ERCC8: variants seen among roughly 807,000 people sequenced by gnomAD.
ERCC8 encodes the protein ERCC excision repair 8, CSA ubiquitin ligase complex subunit, also known as DNA excision repair protein ERCC-8.
A neutral mutation model predicts 54.9 loss-of-function variants in ERCC8; 52 were observed. The ratio of observed to expected loss-of-function variants is 0.95; its 90% CI spans 0.76 to 1.19. The LOEUF (loss-of-function observed/expected upper bound fraction) is 1.19. ERCC8 is among the 50% of genes most tolerant of loss of function. ERCC8 has a pLI of 0.00. For synonymous variants in ERCC8, 146 were observed against 157.2 expected, an observed-to-expected ratio of 0.93 and a Z score of 0.53; for missense variants, 514 against 466.1, an observed-to-expected ratio of 1.10 and a Z score of -0.95.
intron 11 of ERCC8, among the ~76,000 whole-genome samples, chr5:60,881,324 GGC>G (rs1046941839): frequency 6.6e-6 from 1 of 152,182 alleles, no homozygotes; most frequent in African/African-American, 2.4e-5. Context: ...CACTTGAGGA[GGC>G]AGTCTGTCTG....
intron 4 of ERCC8, among the ~76,000 whole-genome samples, chr5:60,915,740 G>A (rs544452437): frequency 1.4e-4 from 21 of 151,938 alleles, no homozygotes; most frequent in South Asian, 6.2e-4. Context: ...AATTTACCCC[G>A]TCTCCTTCTG....
intron 1 of ERCC8, among the ~76,000 whole-genome samples, chr5:60,943,007 G>A (rs1462157037): frequency 1.3e-5 from 2 of 151,996 alleles, no homozygotes; most frequent in South Asian, 4.1e-4. Flanking sequence ...GTGGTAGCTC[G>A]CACATATAAT....
At chr5:60,929,649 T>A (rs973645272) in intron 1 of ERCC8, among the ~76,000 whole-genome samples, 3 of 152,146 alleles carry the variant, frequency 2.0e-5, no homozygotes, top group South Asian at 4.1e-4. Context: ...CACTTAAATA[T>A]CAATACAAAT....
rs1272607123 is a variant in ERCC8, at chr5:60,869,154, G to C, written c.*5461C>G. Among the ~76,000 whole-genome samples the C allele has an allele frequency of 6.6e-6, 1 of 152,110 alleles. No individual in the cohort carries two copies. The highest frequency in any genetic ancestry group is 1.5e-5 in the Non-Finnish European group (1 of 67,996). ...TATAGAATTCACAGAAACGTCTTTA[G>C]CTTCTCTAGTCTTCAGTAGTTATAT... On this transcript the variant is annotated 3_prime_UTR_variant, in exon 12 of 12. Transcript: ENST00000676185.
chr5:60,885,200 G>A (rs1748361164), intron 11 of ERCC8, among the ~76,000 whole-genome samples: 1 of 151,966 alleles, frequency 6.6e-6, no homozygotes, highest in Non-Finnish European at 1.5e-5. Flanking sequence ...TTTTTGTAGA[G>A]ATGGGGTCTT....
chr5:60,868,062 C>T lies in ERCC8; in HGVS notation c.*6553G>A, dbSNP rs1309293002. On this transcript the variant is annotated 3_prime_UTR_variant, in exon 12 of 12. Coordinates refer to ENST00000676185, the MANE Select transcript of ERCC8 (RefSeq NM_000082.4). ...AGGCATGGTGGCGCATGCCTGTAAT[C>T]CCAGCTACTTGGGAGGCTGAGGCAG... Among the ~76,000 whole-genome samples the T allele has an allele frequency of 1.3e-5, 2 of 152,134 alleles. No homozygotes were observed. Among genetic ancestry groups the T allele is most frequent in the Non-Finnish European group, 2.9e-5 (2 of 68,020 alleles).
In ERCC8 at chr5:60,868,166, C is replaced by T. The variant is rs1054219276; in HGVS notation, c.*6449G>A. On this transcript the variant is annotated 3_prime_UTR_variant, in exon 12 of 12. Transcript: ENST00000676185. ...TTGCCCTCCAGCCTGGGCAACAAGA[C>T]GAAACTAGTTCTGTAAAACTTATGC... 9.9e-5 allele frequency among the ~76,000 whole-genome samples: 15 copies of T among 152,144 alleles called. No individual in the cohort carries two copies. Among genetic ancestry groups the T allele is most frequent in the South Asian group, 2.1e-4 (1 of 4,828 alleles).
At chr5:60,893,577 T>C in intron 9 of ERCC8, 1 of 665,518 alleles carries the variant, frequency 1.5e-6, no homozygotes, top group Non-Finnish European at 2.8e-6. Context: ...AGTTTCATCA[T>C]CATGATCAGC....
rs1750156620 is a variant in ERCC8, at chr5:60,938,409, A to G, written c.77+6523T>C. On this transcript the variant is annotated intron_variant, in intron 1 of 11. Transcript: ENST00000676185. ...TCGCTCTGTCGCCAGGCTGGAGTGC[A>G]GTGACACTATGTCGGCTCACTGCAA... Among the ~76,000 whole-genome samples, 4 of 132,332 alleles carry G rather than the reference A, an allele frequency of 3.0e-5. No homozygotes were observed. The South Asian group carries it at 9.3e-4, about 31-fold the overall frequency. The allele number at this position is 132,332 out of a possible 152,430, so 86.8% of individuals were successfully genotyped here.
At chr5:60,943,802 G>A (rs1160977051) in intron 1 of ERCC8, among the ~76,000 whole-genome samples, 1 of 152,158 alleles carries the variant, frequency 6.6e-6, no homozygotes, top group Non-Finnish European at 1.5e-5. Context: ...CAGTGAAGGT[G>A]AACTTATAGA....
At chr5:60,918,148 G>A in intron 4 of ERCC8, 117 bp downstream of exon 4, 1 of 822,568 alleles carries the variant, frequency 1.2e-6, no homozygotes, top group East Asian at 2.5e-5. Context: ...CTTAACCACT[G>A]TACTGCTTTC....
At position 60,927,342 on chromosome 5, in the gene ERCC8, G is replaced by A. The variant is rs566141918; in HGVS notation, c.173+1522C>T. The stretch of plus-strand genomic sequence containing the variant: ...TTTTTTAGTTTTCCACAGAATGTAC[G>A]CTTTCCTTTTAATATCTCTTGTTGC... On this transcript the variant is annotated intron_variant, in intron 2 of 11. Coordinates refer to ENST00000676185, the MANE Select transcript of ERCC8 (RefSeq NM_000082.4). Among the ~76,000 whole-genome samples, 7 of 152,166 alleles carry A rather than the reference G, an allele frequency of 4.6e-5. No individual in the cohort carries two copies. The East Asian group carries it at 9.7e-4, about 21-fold the overall frequency.
intron 2 of ERCC8, 22 bp downstream of exon 2, chr5:60,928,842 T>C (rs780682704): frequency 2.3e-6 from 3 of 1,325,402 alleles, no homozygotes. Context: ...GAAAAATGAT[T>C]ATACAAGTAT....
chr5:60,928,780 C>G, intron 2 of ERCC8, 84 bp downstream of exon 2: 1 of 783,268 alleles, frequency 1.3e-6, no homozygotes, highest in South Asian at 1.6e-5. Flanking sequence ...TTTAATGAAA[C>G]TTCTACATCA....
intron 4 of ERCC8, among the ~76,000 whole-genome samples, chr5:60,908,734 T>C (rs1177538796): frequency 6.6e-6 from 1 of 152,042 alleles, no homozygotes; most frequent in East Asian, 1.9e-4. Context: ...TTGCTTGACA[T>C]GTACCATAGA....
chr5:60,938,304 A>G (rs1016417173), intron 1 of ERCC8, among the ~76,000 whole-genome samples: 1 of 148,346 alleles, frequency 6.7e-6, no homozygotes, highest in African/African-American at 2.5e-5. Context: ...CAGTTTCTAT[A>G]CCTTATGATC....
At chr5:60,913,468 T>C (rs1037488702) in intron 4 of ERCC8, among the ~76,000 whole-genome samples, 1 of 152,102 alleles carries the variant, frequency 6.6e-6, no homozygotes, top group African/African-American at 2.4e-5. Flanking sequence ...TTGCGTCTAT[T>C]TGATTCTCCT....
intron 1 of ERCC8, among the ~76,000 whole-genome samples, chr5:60,942,039 C>T (rs183312768): frequency 6.6e-5 from 10 of 151,988 alleles, no homozygotes; most frequent in South Asian, 2.1e-4. Context: ...TGAAATGATC[C>T]GAAGTAGACA....
chr5:60,876,420 G>A (rs1044988136), intron 11 of ERCC8, among the ~76,000 whole-genome samples: 6 of 152,152 alleles, frequency 3.9e-5, no homozygotes, highest in Non-Finnish European at 7.4e-5. Context: ...GGGTCAAATG[G>A]TATTTCTAGT....
Sources: allele counts gnomAD v4.1 joint callset (sites outside exome capture counted in the v4.1 genomes callset), GRCh38; gene constraint gnomAD v4.1.1; transcripts MANE v1.5; gene names NCBI Gene and HGNC (gene_info 2026-07-23, HGNC 2026-07-21).